Variants in CHN1 observed in about 807,000 individuals in gnomAD.
The protein encoded by CHN1 is chimerin 1.
A neutral mutation model predicts 59.5 loss-of-function variants in CHN1; 37 were observed. The ratio of observed to expected loss-of-function variants is 0.62; its 90% confidence interval spans 0.48 to 0.82. CHN1 has a LOEUF of 0.82. Ranked by LOEUF, CHN1 falls within the 40% of genes least tolerant of loss-of-function variation. The pLI, the probability that CHN1 is intolerant of heterozygous loss-of-function variation, is 0.00. For synonymous variants in CHN1, 206 were observed against 200.4 expected (o/e 1.03, Z -0.24); for missense variants, 469 against 571.0 (o/e 0.82, Z 1.82).
intron 8 of CHN1, among the ~76,000 whole-genome samples, chr2:174,814,697 C>T (rs1348446207): frequency 6.6e-6 from 1 of 152,120 alleles, no homozygotes; most frequent in Non-Finnish European, 1.5e-5. Context: ...AATGAAATAA[C>T]ACTTTGAAAG....
intron 7 of CHN1, among the ~76,000 whole-genome samples, chr2:174,830,242 T>A (rs933882915): frequency 1.3e-4 from 19 of 150,554 alleles, no homozygotes; most frequent in African/African-American, 4.7e-4. Context: ...CAAAAAAAAA[T>A]AAAAAATAAA....
intron 5 of CHN1, among the ~76,000 whole-genome samples, chr2:174,900,149 A>G (rs1688342694): frequency 6.6e-6 from 1 of 152,236 alleles, no homozygotes; most frequent in African/African-American, 2.4e-5. Context: ...TTATTGGTGG[A>G]TAAACAAGTT....
At chr2:174,866,956 T>C (rs1411059778) in intron 6 of CHN1, among the ~76,000 whole-genome samples, 5 of 152,084 alleles carry the variant, frequency 3.3e-5, no homozygotes, top group Admixed American at 3.3e-4. Context: ...TGCTGCTTTT[T>C]AGCGCATTAA....
intron 5 of CHN1, among the ~76,000 whole-genome samples, chr2:174,908,209 A>C (rs954372307): frequency 3.3e-5 from 5 of 152,226 alleles, no homozygotes; most frequent in Non-Finnish European, 7.3e-5. Context: ...TTTGGAGTTA[A>C]CAAGTTCTCT....
chr2:174,875,920 T>G, intron 6 of CHN1: 1 of 636,250 alleles, frequency 1.6e-6, no homozygotes, highest in Non-Finnish European at 2.0e-6. Flanking sequence ...CAGCTAGATT[T>G]AAGATGCATG....
intron 9 of CHN1, 164 bp downstream of exon 9, chr2:174,812,145 G>T: frequency 2.1e-6 from 1 of 471,374 alleles, no homozygotes; most frequent in Non-Finnish European, 3.6e-6. Context: ...CTATTTAATT[G>T]TTAAATTAAT....
rs534626309 is a variant in CHN1 at position 174,905,210 on chromosome 2, T to A, written c.260+9848A>T. On this transcript the variant is annotated intron_variant, in intron 5 of 12. Coordinates refer to ENST00000409900, the MANE Select transcript of CHN1 (RefSeq NM_001822.7). ...CTGTATCTAGTTACTAAAAAACAGA[T>A]CTTAAAGAGAATCTAGCATGTCTTC... Among the ~76,000 whole-genome samples, 3 of 152,204 alleles carry A rather than the reference T, an allele frequency of 2.0e-5. 1 individual carries two copies. In the South Asian group the frequency reaches 6.2e-4, roughly 32 times the overall value.
At chr2:174,908,798 G>A (rs1390185007) in intron 5 of CHN1, among the ~76,000 whole-genome samples, 1 of 152,068 alleles carries the variant, frequency 6.6e-6, no homozygotes, top group African/African-American at 2.4e-5. Flanking sequence ...TGAAGAGCAA[G>A]CCCCTCCAAT....
intron 1 of CHN1, among the ~76,000 whole-genome samples, chr2:174,957,043 C>T (rs150672782): frequency 6.6e-6 from 1 of 152,172 alleles, no homozygotes; most frequent in African/African-American, 2.4e-5. Context: ...CACCTTATTT[C>T]GTATATACCG....
intron 3 of CHN1, among the ~76,000 whole-genome samples, chr2:174,925,353 T>C (rs1466112403): frequency 6.6e-6 from 1 of 152,250 alleles, no homozygotes; most frequent in Admixed American, 6.5e-5. Flanking sequence ...ATATGACAGA[T>C]AGCAGATTCT....
intron 6 of CHN1, among the ~76,000 whole-genome samples, chr2:174,862,011 A>G (rs924392988): frequency 6.6e-6 from 1 of 152,208 alleles, no homozygotes; most frequent in Non-Finnish European, 1.5e-5. Context: ...TAGTAAGCCT[A>G]AAGTCTGATC....
At chr2:174,877,797 C>T (rs768598589) in intron 6 of CHN1, 43 bp downstream of exon 6, 3 of 1,557,888 alleles carry the variant, frequency 1.9e-6, no homozygotes, top group Admixed American at 1.8e-5. Context: ...CTTAAAAGAA[C>T]CCCAAACAGA....
intron 3 of CHN1, chr2:174,921,145 T>C (rs1438842559): frequency 1.3e-5 from 4 of 319,066 alleles, no homozygotes; most frequent in Admixed American, 7.7e-5. Flanking sequence ...CTGTGCAGCC[T>C]GGTTCCTAAC....
chr2:174,894,046 A>T (rs1165399113), intron 5 of CHN1, among the ~76,000 whole-genome samples: 1 of 152,158 alleles, frequency 6.6e-6, no homozygotes, highest in Non-Finnish European at 1.5e-5. Context: ...ACATCATGAC[A>T]TTGGAATGGG....
chr2:174,813,850 T>C (rs1020147791), intron 8 of CHN1, among the ~76,000 whole-genome samples: 1 of 152,196 alleles, frequency 6.6e-6, no homozygotes, highest in Non-Finnish European at 1.5e-5. Flanking sequence ...ACGATCCTAA[T>C]ATTCACCTCA....
At chr2:174,894,118 C>T (rs373946789) in intron 5 of CHN1, among the ~76,000 whole-genome samples, 59 of 137,094 alleles carry the variant, frequency 4.3e-4, no homozygotes, top group African/African-American at 1.4e-3. Context: ...AGACAAATGG[C>T]ACGACAGCAC....
At chr2:174,811,901 G>A (rs1448938240) in intron 9 of CHN1, among the ~76,000 whole-genome samples, 4 of 152,012 alleles carry the variant, frequency 2.6e-5, no homozygotes, top group Non-Finnish European at 4.4e-5. Flanking sequence ...ATAAAATATA[G>A]GCCTGTTTTT....
intron 10 of CHN1, among the ~76,000 whole-genome samples, chr2:174,809,702 T>C (rs1685013044): frequency 6.6e-6 from 1 of 152,234 alleles, no homozygotes; most frequent in African/African-American, 2.4e-5. Flanking sequence ...GAATCTGATA[T>C]CCACATACTA....
intron 6 of CHN1, 140 bp downstream of exon 6, chr2:174,877,700 G>T: frequency 1.7e-6 from 1 of 603,428 alleles, no homozygotes; most frequent in Non-Finnish European, 2.7e-6. Flanking sequence ...GCAAAGCTCA[G>T]CATCACAGAA....
Sources: gnomAD v4.1 joint callset for allele counts (sites outside exome capture counted in the v4.1 genomes callset) on GRCh38, gnomAD v4.1.1 for gene constraint, MANE v1.5 for transcripts, NCBI Gene and HGNC (gene_info 2026-07-23, HGNC 2026-07-21) for gene names.